PIEZO2: variants seen among roughly 807,000 people sequenced by gnomAD.
PIEZO2 encodes the protein piezo type mechanosensitive ion channel component 2, also known as piezo-type mechanosensitive ion channel component 2.
In PIEZO2, 172 loss-of-function variants were observed where a neutral mutation model predicts 337.3. The observed-to-expected ratio is 0.51, with a 90% CI of 0.45 to 0.58. The LOEUF (loss-of-function observed/expected upper bound fraction) is 0.58. PIEZO2 is among the 20% of genes least tolerant of loss of function. The pLI, the probability that PIEZO2 is intolerant of heterozygous loss-of-function variation, is 0.00. For missense variants in PIEZO2, 3,028 were observed against 3,391.3 expected (o/e 0.89, Z 2.66); for synonymous variants, 1,251 against 1,228.5 (o/e 1.02, Z -0.38).
Position 11,110,905 on chromosome 18 carries a change from C to A in PIEZO2, c.64+37620G>T, listed in dbSNP as rs932041445. Among the ~76,000 whole-genome samples, 2 of 152,218 alleles carry A rather than the reference C, an allele frequency of 1.3e-5. No individual in the cohort carries two copies. Among genetic ancestry groups the A allele is most frequent in the African/African-American group, 4.8e-5 (2 of 41,462 alleles). The stretch of plus-strand genomic sequence containing the variant: ...CCTCTCCTGAGGTCTGCTCCACACA[C>A]GAGGTGAGGCCAGGATGCTGTGCCC... On this transcript the variant is annotated intron_variant, in intron 1 of 55. Coordinates refer to ENST00000674853, the MANE Select transcript of PIEZO2 (RefSeq NM_001378183.1). The surrounding 1 kb of genome is among the most constrained non-coding windows in gnomAD (Gnocchi z 4.2).
intron 3 of PIEZO2, among the ~76,000 whole-genome samples, chr18:10,925,581 A>G (rs965367929): frequency 6.6e-6 from 1 of 152,086 alleles, no homozygotes; most frequent in Non-Finnish European, 1.5e-5. Flanking sequence ...AAAAGTGAAA[A>G]AAAATTTTTT....
In PIEZO2 at chr18:10,942,726, C is replaced by T. The variant is rs1343613070; in HGVS notation, c.287-31498G>A. On this transcript the variant is annotated intron_variant, in intron 3 of 55. Transcript: ENST00000674853. This position sits in a 1 kb window ranked among gnomAD's most constrained non-coding sequence, Gnocchi z 4.4. ...AGAAATTTGCATAAGTAATGAAGAG[C>T]CAAATATTAATCCCCAAGACAATGG... is the stretch of plus-strand genomic sequence containing the variant. Among the ~76,000 whole-genome samples the T allele has an allele frequency of 6.6e-6, 1 of 152,110 alleles. No homozygotes were observed. Among genetic ancestry groups the T allele is most frequent in the Non-Finnish European group, 1.5e-5 (1 of 68,006 alleles).
chr18:10,903,494 C>G lies in PIEZO2; in HGVS notation c.329+7692G>C, dbSNP rs192820676. Among the ~76,000 whole-genome samples the G allele has an allele frequency of 6.7e-4, 102 of 152,110 alleles. 1 individual carries two copies. The East Asian group carries it at 0.019, about 28-fold the overall frequency. ...CATCCTGGCCAACAACATGGTGAAA[C>G]CCCGTCTCTACCAAAAATAAAAAAA... On this transcript the variant is annotated intron_variant, in intron 4 of 55. Coordinates refer to ENST00000674853, the MANE Select transcript of PIEZO2 (RefSeq NM_001378183.1). This position sits in a 1 kb window ranked among gnomAD's most constrained non-coding sequence, Gnocchi z 4.1.
At chr18:11,019,917 C>A (rs556751642) in intron 2 of PIEZO2, among the ~76,000 whole-genome samples, 7 of 152,310 alleles carry the variant, frequency 4.6e-5, no homozygotes, top group South Asian at 2.1e-4. Context: ...GGCATATCAG[C>A]ACCTTGTCTG....
chr18:11,023,609 C>A (rs189661123), intron 2 of PIEZO2, among the ~76,000 whole-genome samples: 2,389 of 152,364 alleles, frequency 0.016, 64 homozygotes, highest in African/African-American at 0.052. Context: ...CGCACCGGGG[C>A]GGCAGGTGGA....
chr18:11,108,432 G>A (rs577119159), intron 1 of PIEZO2, among the ~76,000 whole-genome samples: 42 of 149,458 alleles, frequency 2.8e-4, no homozygotes, highest in African/African-American at 6.7e-4. Flanking sequence ...TGGCTAACAC[G>A]GTGAAACCTC....
At chr18:11,066,261 A>T (rs1460067314) in intron 1 of PIEZO2, 39 bp from the exon 2 acceptor site, 6 of 1,492,082 alleles carry the variant, frequency 4.0e-6, no homozygotes, top group Non-Finnish European at 5.4e-6. Context: ...GAAGATCATT[A>T]ACAAAGGCAG....
At chr18:10,902,141 T>A (rs1400646348) in intron 4 of PIEZO2, among the ~76,000 whole-genome samples, 2 of 152,244 alleles carry the variant, frequency 1.3e-5, no homozygotes, top group Non-Finnish European at 2.9e-5. Context: ...TGCATGCTCC[T>A]TATGAGAAGC....
intron 7 of PIEZO2, among the ~76,000 whole-genome samples, chr18:10,810,553 TC>T (rs527314555): frequency 1.1e-4 from 17 of 152,164 alleles, no homozygotes; most frequent in Non-Finnish European, 2.2e-4. Flanking sequence ...AAGCCCTGAG[TC>T]CCAGAAAAGC....
chr18:11,025,106 C>G (rs556143013), intron 2 of PIEZO2, among the ~76,000 whole-genome samples: 1 of 152,230 alleles, frequency 6.6e-6, no homozygotes, highest in East Asian at 1.9e-4. Context: ...TGTAGGCTCT[C>G]AAGCCAAACT....
intron 7 of PIEZO2, among the ~76,000 whole-genome samples, chr18:10,849,734 G>A (rs12458566): frequency 6.6e-6 from 1 of 152,204 alleles, no homozygotes; most frequent in African/African-American, 2.4e-5. Flanking sequence ...AGTGTTTGCT[G>A]TCTACTGAAA....
At chr18:10,763,635 A>G (rs911975854) in intron 21 of PIEZO2, among the ~76,000 whole-genome samples, 2 of 152,188 alleles carry the variant, frequency 1.3e-5, no homozygotes, top group African/African-American at 4.8e-5. Context: ...GTTTTGATGG[A>G]TCCTTTTTAC....
rs10564435 is a variant in PIEZO2 at position 10,998,357 on chromosome 18, T to TAC, written c.161-18699_161-18698dup. ...TTGTTTACACACACACACATACACATACACACACACACACACACACACTCC... is the reference window on the plus strand; with the variant it reads ...TTGTTTACACACACACACATACACATACACACACACACACACACACACACTCC... On this transcript the variant is annotated intron_variant, in intron 2 of 55. Coordinates refer to ENST00000674853, the MANE Select transcript of PIEZO2 (RefSeq NM_001378183.1). 3.9e-3 allele frequency among the ~76,000 whole-genome samples: 584 copies of TAC among 149,872 alleles called. 3 individuals are homozygous for TAC. Among genetic ancestry groups the TAC allele is most frequent in the East Asian group, 0.024 (120 of 5,084 alleles).
chr18:10,780,725 G>A (rs996915267), intron 17 of PIEZO2, among the ~76,000 whole-genome samples: 3 of 140,234 alleles, frequency 2.1e-5, no homozygotes, highest in Non-Finnish European at 4.5e-5. Flanking sequence ...GTGCAGTGAC[G>A]TATCTTAGCT....
Position 10,711,095 on chromosome 18 carries a change from T to C in PIEZO2, c.5424-2656A>G, listed in dbSNP as rs181005253. ...TCAAAAAGCAATCGATGAATTTAAA[T>C]ATCTCTTAACTCACAATTTTTTATC... is the stretch of plus-strand genomic sequence containing the variant. On this transcript the variant is annotated intron_variant, in intron 39 of 55. Coordinates refer to ENST00000674853, the MANE Select transcript of PIEZO2 (RefSeq NM_001378183.1). 6.4e-4 allele frequency among the ~76,000 whole-genome samples: 97 copies of C among 152,372 alleles called. 1 individual carries two copies. Among genetic ancestry groups the C allele is most frequent in the African/African-American group, 2.2e-3 (91 of 41,582 alleles).
rs1003615074 is a variant in PIEZO2 at position 10,813,309 on chromosome 18, G to A, written c.918-6035C>T. On this transcript the variant is annotated intron_variant, in intron 7 of 55. Coordinates refer to ENST00000674853, the MANE Select transcript of PIEZO2 (RefSeq NM_001378183.1). The surrounding 1 kb of genome is among the most constrained non-coding windows in gnomAD (Gnocchi z 4.2). Reference sequence around the variant, plus strand: ...TAAACATTTTTAAGAACACAGTTCAGTGGTATTAATTACACTCATATTGTT... The same window carrying A: ...TAAACATTTTTAAGAACACAGTTCAATGGTATTAATTACACTCATATTGTT... Among the ~76,000 whole-genome samples the A allele has an allele frequency of 6.6e-5, 10 of 152,128 alleles. No homozygotes were observed. The highest frequency in any genetic ancestry group is 2.2e-4 in the African/African-American group (9 of 41,374).
chr18:11,054,020 T>C (rs899685480), intron 2 of PIEZO2, among the ~76,000 whole-genome samples: 1 of 152,058 alleles, frequency 6.6e-6, no homozygotes, highest in African/African-American at 2.4e-5. Context: ...TGAAACCCCA[T>C]CTCAAAATAA....
At chr18:10,875,559 G>T (rs941246091) in intron 4 of PIEZO2, among the ~76,000 whole-genome samples, 1 of 152,110 alleles carries the variant, frequency 6.6e-6, no homozygotes, top group South Asian at 2.1e-4. Flanking sequence ...TTTGGCAATC[G>T]ATTATTATAG....
At chr18:10,770,107 T>C in intron 21 of PIEZO2, 41 bp downstream of exon 21, 1 of 1,527,948 alleles carries the variant, frequency 6.5e-7, no homozygotes, top group South Asian at 1.2e-5. Context: ...TGACCTACTG[T>C]GGTTCTGTTC....
Sources: gnomAD v4.1 joint callset for allele counts (sites outside exome capture counted in the v4.1 genomes callset) on GRCh38, gnomAD v4.1.1 for gene constraint, Gnocchi (gnomAD v3.1) non-coding constraint, MANE v1.5 for transcripts, NCBI Gene and HGNC (gene_info 2026-07-23, HGNC 2026-07-21) for gene names.